ZNF274: variants seen among roughly 807,000 people sequenced by gnomAD.
ZNF274 encodes neurotrophin receptor-interacting factor homolog.
Under a neutral mutation model 42.5 loss-of-function variants are expected in ZNF274, and 23 were observed. The observed-to-expected ratio is 0.54, with a 90% CI of 0.39 to 0.77. ZNF274 has a LOEUF of 0.77. ZNF274 is among the 30% of genes least tolerant of loss of function. ZNF274 has a pLI of 0.00. For missense variants in ZNF274, 679 were observed against 806.5 expected (o/e 0.84, Z 1.91); for synonymous variants, 292 against 305.4 (o/e 0.96, Z 0.46).
Position 58,212,977 on chromosome 19 carries a change from C to G in ZNF274, c.1796C>G (p.Ala599Gly), listed in dbSNP as rs779902171. The change falls in exon 8 of 8, where the codon GCC becomes GGC. Residue 599 changes from alanine to glycine, a missense_variant. By Grantham distance (60) the Ala-to-Gly change is moderately conservative. Transcript: ENST00000617501. This position sits in a 1 kb window ranked among gnomAD's most constrained non-coding sequence, Gnocchi z 4.6. ...KPYKCQDCGKAFRQSSHLIRH... is the reference protein window; with the variant it reads ...KPYKCQDCGKGFRQSSHLIRH... Reference sequence around the variant, plus strand: ...TACAAGTGTCAGGACTGTGGAAAAGCCTTCCGCCAGAGCTCCCACCTCATC... The same window carrying G: ...TACAAGTGTCAGGACTGTGGAAAAGGCTTCCGCCAGAGCTCCCACCTCATC... 3.7e-6 allele frequency: 6 copies of G among 1,613,974 alleles called. No individual in the cohort carries two copies. Among genetic ancestry groups the G allele is most frequent in the Non-Finnish European group, 4.2e-6 (5 of 1,179,862 alleles).
chr19:58,205,070 T>G (rs1005924119), intron 4 of ZNF274, among the ~76,000 whole-genome samples: 2 of 152,178 alleles, frequency 1.3e-5, no homozygotes, highest in African/African-American at 4.8e-5. Context: ...CTATATTTGG[T>G]TTGGCTGTTG....
chr19:58,191,021 A>C (rs559506401), intron 4 of ZNF274, among the ~76,000 whole-genome samples: 1 of 152,210 alleles, frequency 6.6e-6, no homozygotes, highest in Non-Finnish European at 1.5e-5. Context: ...TTCCACATTC[A>C]AAGTTTTTCC....
At chr19:58,200,209 C>A (rs543959723) in intron 4 of ZNF274, among the ~76,000 whole-genome samples, 1 of 152,234 alleles carries the variant, frequency 6.6e-6, no homozygotes, top group Admixed American at 6.5e-5. Flanking sequence ...GGGCCTACAT[C>A]CATTCCATGG....
At position 58,183,269 on chromosome 19, in the gene ZNF274, C is replaced by T. The variant is rs1164718375; in HGVS notation, c.-219C>T. 2 of 152,364 alleles carry T rather than the reference C, an allele frequency of 1.3e-5. No individual in the cohort carries two copies. The highest frequency in any genetic ancestry group is 2.9e-5 in the Non-Finnish European group (2 of 68,102). The allele number at this position is 152,364 out of a possible 1,614,324, so 9.4% of individuals were successfully genotyped here. On this transcript the variant is annotated 5_prime_UTR_variant, in exon 1 of 8. Transcript: ENST00000617501. ...ACCGCCGAGGGACATCGACGAGTAT[C>T]CTCCTCCTGCTGTCCCCGGCTTCGC...
chr19:58,184,281 CTTTTGTTTG>C (rs2075669015), intron 2 of ZNF274: 2 of 342,748 alleles, frequency 5.8e-6, no homozygotes, highest in Non-Finnish European at 1.1e-5. Flanking sequence ...ATTGACAGGT[CTTTTGTTTG>C]TTTGTTTTTT....
chr19:58,185,537 C>A, intron 2 of ZNF274, 175 bp from the exon 3 acceptor site: 1 of 462,932 alleles, frequency 2.2e-6, no homozygotes, highest in East Asian at 3.5e-5. Context: ...TAGAGTCAAG[C>A]TTGGGTTTGC....
At chr19:58,184,227 C>G (rs941037383) in intron 2 of ZNF274, 16 of 557,070 alleles carry the variant, frequency 2.9e-5, no homozygotes, top group African/African-American at 1.3e-4. Context: ...CTTCTGAAGG[C>G]CAGGTTAAGG....
At chr19:58,191,101 C>G (rs1268640469) in intron 4 of ZNF274, among the ~76,000 whole-genome samples, 1 of 152,172 alleles carries the variant, frequency 6.6e-6, no homozygotes, top group African/African-American at 2.4e-5. Context: ...GCAAAGTCTC[C>G]AGCAATGCAA....
intron 4 of ZNF274, among the ~76,000 whole-genome samples, chr19:58,192,792 T>A (rs1416547918): frequency 6.6e-6 from 1 of 152,220 alleles, no homozygotes; most frequent in Non-Finnish European, 1.5e-5. Context: ...TCACCCAGGC[T>A]GACGTGTAGT....
Position 58,211,789 on chromosome 19 carries a change from C to T in ZNF274, c.979+103C>T, listed in dbSNP as rs1162026554. On this transcript the variant is annotated intron_variant, in intron 7 of 7. Transcript: ENST00000617501. This position sits in a 1 kb window ranked among gnomAD's most constrained non-coding sequence, Gnocchi z 4.8. ...CTAGACTCCACACTGGGCATTCCCT[C>T]AAGGGGCCCTTGCTGCATCCAGGGC... 4 of 1,460,454 alleles carry T rather than the reference C, an allele frequency of 2.7e-6. No homozygotes were observed. In the East Asian group the frequency reaches 7.1e-5, roughly 26 times the overall value. 90.5% of individuals were successfully genotyped at this position (1,460,454 alleles called of 1,614,324 possible).
chr19:58,188,722 A>ATATATATG (rs1441558150), intron 4 of ZNF274, among the ~76,000 whole-genome samples: 21 of 132,744 alleles, frequency 1.6e-4, no homozygotes, highest in African/African-American at 5.6e-4. Context: ...ATATATATAT[A>ATATATATG]TAAATCTTTA....
At chr19:58,204,009 C>T (rs1431876351) in intron 4 of ZNF274, among the ~76,000 whole-genome samples, 2 of 152,174 alleles carry the variant, frequency 1.3e-5, no homozygotes, top group Non-Finnish European at 2.9e-5. Flanking sequence ...GGGCCCGTGC[C>T]AGCGGTGGGC....
chr19:58,188,696 A>ATATATATATATATATATATATATG (rs1555816909), intron 4 of ZNF274, among the ~76,000 whole-genome samples: 273 of 46,258 alleles, frequency 5.9e-3, no homozygotes, highest in Non-Finnish European at 9.5e-3. Context: ...ATGTATATGT[A>ATATATATATATATATATATATATG]TATATATATA....
rs1224495211 is a variant in ZNF274 at position 58,188,688 on chromosome 19, GTATATGTA to G, written c.256+1652_256+1659del. 5.6e-3 allele frequency among the ~76,000 whole-genome samples: 299 copies of G among 52,966 alleles called. 8 individuals are homozygous for G. Among genetic ancestry groups the G allele is most frequent in the Admixed American group, 0.028 (116 of 4,168 alleles). 34.7% of individuals were successfully genotyped at this position (52,966 alleles called of 152,430 possible). On this transcript the variant is annotated intron_variant, in intron 4 of 7. Transcript: ENST00000617501. ...TGTGTGTGTGTGTGTATATATATAT[GTATATGTA>G]TATATATATATATATATATATATAT...
chr19:58,195,432 A>AT (rs2075830350), intron 4 of ZNF274, among the ~76,000 whole-genome samples: 1 of 152,218 alleles, frequency 6.6e-6, no homozygotes, highest in South Asian at 2.1e-4. Context: ...CACACAGCAC[A>AT]TAAAAACATC....
chr19:58,198,723 G>T (rs2075872921), intron 4 of ZNF274, among the ~76,000 whole-genome samples: 2 of 151,200 alleles, frequency 1.3e-5, no homozygotes, highest in African/African-American at 4.9e-5. Context: ...GTGTAGGAAT[G>T]AACAAACAAA....
intron 4 of ZNF274, among the ~76,000 whole-genome samples, chr19:58,199,371 A>T (rs2004498791): frequency 6.6e-6 from 1 of 152,160 alleles, no homozygotes; most frequent in Non-Finnish European, 1.5e-5. Flanking sequence ...GTCTAAAAAA[A>T]AAAAGATTCA....
rs540089632 is a variant in ZNF274, at chr19:58,207,131, C to T, written c.668C>T (p.Ser223Leu). The T allele has an allele frequency of 5.0e-5, 81 of 1,613,476 alleles. No individual in the cohort carries two copies. The East Asian group carries it at 1.5e-3, about 30-fold the overall frequency. ...LPVKLRTWVE[S>L]QHPENCQEVV... ...GTGAAGCTCCGGACATGGGTGGAAT[C>T]GCAGCACCCAGAGAACTGCCAAGAG... The change falls in exon 5 of 8, where the codon TCG (serine) becomes TTG (leucine). Residue 223 changes from serine (S) to leucine (L), a missense_variant. Physicochemically the swap from Ser to Leu is moderately radical, Grantham distance 145. Coordinates refer to ENST00000617501, the MANE Select transcript of ZNF274 (RefSeq NM_133502.3). This position sits in a 1 kb window ranked among gnomAD's most constrained non-coding sequence, Gnocchi z 5.6.
At chr19:58,185,610 T>C in intron 2 of ZNF274, 102 bp from the exon 3 acceptor site, 1 of 1,298,278 alleles carries the variant, frequency 7.7e-7, no homozygotes, top group Non-Finnish European at 1.0e-6. Flanking sequence ...TGGGTCATCT[T>C]GTAGACCATT....
Sources: allele counts gnomAD v4.1 joint callset (sites outside exome capture counted in the v4.1 genomes callset), GRCh38; gene constraint gnomAD v4.1.1; non-coding constraint Gnocchi (gnomAD v3.1); transcripts MANE v1.5; gene names NCBI Gene and HGNC (gene_info 2026-07-23, HGNC 2026-07-21).